Variants in GULP1 observed in about 807,000 individuals in gnomAD.
GULP1 encodes PTB domain-containing engulfment adapter protein 1.
GULP1 carries 19 observed loss-of-function variants against 40.9 expected under a neutral mutation model. The observed-to-expected ratio is 0.46, with a 90% CI of 0.32 to 0.68. The LOEUF (loss-of-function observed/expected upper bound fraction) is 0.68, where lower values mean the gene tolerates loss of function less well. Ranked by LOEUF, GULP1 falls within the 30% of genes least tolerant of loss-of-function variation. The pLI is 0.03. For missense variants in GULP1, 312 were observed against 362.2 expected (o/e 0.86, Z 1.12); for synonymous variants, 119 against 117.6 (o/e 1.01, Z -0.08).
At chr2:188,300,088 C>CT in intron 1 of GULP1, among the ~76,000 whole-genome samples, 1 of 152,064 alleles carries the variant, frequency 6.6e-6, no homozygotes, top group East Asian at 1.9e-4. Flanking sequence ...GTTTTTCTTT[C>CT]TTTTTTTCCA....
intron 1 of GULP1, among the ~76,000 whole-genome samples, chr2:188,361,775 G>A (rs539276287): frequency 6.6e-6 from 1 of 152,156 alleles, no homozygotes; most frequent in African/African-American, 2.4e-5. Flanking sequence ...CCATGCCTAT[G>A]ATGTATATGG....
chr2:188,332,622 A>G (rs2041760381), intron 1 of GULP1, among the ~76,000 whole-genome samples: 1 of 152,158 alleles, frequency 6.6e-6, no homozygotes, highest in South Asian at 2.1e-4. Flanking sequence ...TGTGCTGTCT[A>G]TGCCTGGGAA....
chr2:188,534,594 A>G (rs958608647), intron 6 of GULP1, among the ~76,000 whole-genome samples: 2 of 152,114 alleles, frequency 1.3e-5, no homozygotes, highest in Admixed American at 1.3e-4. Flanking sequence ...ATCATGCAGT[A>G]TACCCTGGTA....
intron 9 of GULP1, among the ~76,000 whole-genome samples, chr2:188,580,248 G>A (rs1264120794): frequency 6.6e-6 from 1 of 152,210 alleles, no homozygotes; most frequent in African/African-American, 2.4e-5. Flanking sequence ...TAAATAGATG[G>A]AGGTGTATTA....
chr2:188,306,096 A>T (rs1417156696), intron 1 of GULP1, among the ~76,000 whole-genome samples: 1 of 152,012 alleles, frequency 6.6e-6, no homozygotes, highest in Non-Finnish European at 1.5e-5. Context: ...TCTTAATCCC[A>T]TTTTTCCTCC....
At chr2:188,529,245 A>C (rs771681032) in intron 6 of GULP1, 50 bp downstream of exon 6, 1 of 860,008 alleles carries the variant, frequency 1.2e-6, no homozygotes, top group East Asian at 2.5e-5. Flanking sequence ...AATTGCAATT[A>C]TATTCCTACT....
At chr2:188,461,904 AGT>A (rs2059738527) in intron 2 of GULP1, among the ~76,000 whole-genome samples, 1 of 151,564 alleles carries the variant, frequency 6.6e-6, no homozygotes, top group Admixed American at 6.6e-5. Flanking sequence ...GCTTTTTTAT[AGT>A]GTTTTCTTCA....
intron 2 of GULP1, among the ~76,000 whole-genome samples, chr2:188,426,376 A>G (rs2056198561): frequency 6.6e-6 from 1 of 152,136 alleles, no homozygotes; most frequent in South Asian, 2.1e-4. Context: ...CAGAGAGAAT[A>G]GATGGTAAGC....
intron 10 of GULP1, 60 bp from the exon 11 acceptor site, chr2:188,587,795 C>T: frequency 1.1e-6 from 1 of 892,612 alleles, no homozygotes; most frequent in African/African-American, 1.7e-5. Context: ...CCTTTGAAAT[C>T]TAACTAACTC....
chr2:188,298,848 G>A (rs747250562), intron 1 of GULP1, among the ~76,000 whole-genome samples: 8 of 152,114 alleles, frequency 5.3e-5, no homozygotes, highest in East Asian at 3.8e-4. Context: ...GTAAATGCTC[G>A]GTGCTGCCAA....
chr2:188,570,017 T>A lies in GULP1; in HGVS notation c.517-11T>A. 1 of 1,035,532 alleles carries A rather than the reference T, an allele frequency of 9.7e-7. No homozygotes were observed. Among genetic ancestry groups the A allele is most frequent in the Non-Finnish European group, 1.5e-6 (1 of 685,006 alleles). 64.1% of individuals were successfully genotyped at this position (1,035,532 alleles called of 1,614,324 possible). Reference sequence around the variant, plus strand: ...AAACAGAAAGTTATTCAATAATGATTTTCTTTTTAGATCCAAGACTTAGAA... The same window carrying A: ...AAACAGAAAGTTATTCAATAATGATATTCTTTTTAGATCCAAGACTTAGAA... On this transcript the variant is annotated splice_polypyrimidine_tract_variant and intron_variant, in intron 8 of 11. Transcript: ENST00000409830.
At chr2:188,302,653 C>T (rs10184703) in intron 1 of GULP1, among the ~76,000 whole-genome samples, 23,121 of 152,110 alleles carry the variant, frequency 0.15, 1,908 homozygotes, top group African/African-American at 0.17. Flanking sequence ...AGATTTTCTC[C>T]TTGACCAAAT....
chr2:188,301,061 C>CCGGA (rs1041884928), intron 1 of GULP1, among the ~76,000 whole-genome samples: 1 of 152,160 alleles, frequency 6.6e-6, no homozygotes, highest in African/African-American at 2.4e-5. Context: ...GTCACCCAAC[C>CCGGA]CGGAGTGCAC....
rs926947429 is a variant in GULP1 at position 188,292,644 on chromosome 2, C to G, written c.-172+478C>G. The G allele has an allele frequency of 6.6e-6, 1 of 152,520 alleles. No homozygotes were observed. The highest frequency in any genetic ancestry group is 1.5e-5 in the Non-Finnish European group (1 of 68,342). 9.4% of individuals were successfully genotyped at this position (152,520 alleles called of 1,614,324 possible). On this transcript the variant is annotated intron_variant, in intron 1 of 11. Transcript: ENST00000409830. The surrounding 1 kb of genome is among the most constrained non-coding windows in gnomAD (Gnocchi z 4.0). Reference sequence around the variant, plus strand: ...ATCGTCGGGTCACAGCGAGGCGACCCAGGAGCGAACTTCCAGGGCAGCCTC... The same window carrying G: ...ATCGTCGGGTCACAGCGAGGCGACCGAGGAGCGAACTTCCAGGGCAGCCTC...
chr2:188,549,558 G>A (rs1480022931), intron 7 of GULP1, among the ~76,000 whole-genome samples: 1 of 151,814 alleles, frequency 6.6e-6, no homozygotes, highest in Non-Finnish European at 1.5e-5. Context: ...AAAATGGTAT[G>A]GCCATTCAGG....
intron 2 of GULP1, among the ~76,000 whole-genome samples, chr2:188,440,723 G>C (rs1037859055): frequency 6.6e-6 from 1 of 152,060 alleles, no homozygotes; most frequent in African/African-American, 2.4e-5. Context: ...TAAATAGAGG[G>C]TACCTAAAAC....
chr2:188,378,558 T>C (rs1352836453), intron 1 of GULP1, among the ~76,000 whole-genome samples: 1 of 152,202 alleles, frequency 6.6e-6, no homozygotes, highest in Non-Finnish European at 1.5e-5. Flanking sequence ...CACCATCTGC[T>C]TCTGGTGAGG....
rs200170442 is a variant in GULP1 at position 188,401,591 on chromosome 2, GA to G, written c.-45+17710del. 6.7e-3 allele frequency among the ~76,000 whole-genome samples: 1,015 copies of G among 151,660 alleles called. 10 individuals are homozygous for G. Among genetic ancestry groups the G allele is most frequent in the African/African-American group, 0.023 (941 of 41,384 alleles). ...AGATTGAGCATCTTTTGATTTATGA[GA>G]AAAAAAAGTTGTGGGAGAAAAAGGA... On this transcript the variant is annotated intron_variant, in intron 2 of 11. Coordinates refer to ENST00000409830, the MANE Select transcript of GULP1 (RefSeq NM_016315.4).
At chr2:188,423,633 A>G in intron 2 of GULP1, among the ~76,000 whole-genome samples, 1 of 151,736 alleles carries the variant, frequency 6.6e-6, no homozygotes, top group East Asian at 1.9e-4. Flanking sequence ...TCTGCTAATC[A>G]GTATTTTCTA....
Sources: gnomAD v4.1 joint callset for allele counts (sites outside exome capture counted in the v4.1 genomes callset) on GRCh38, gnomAD v4.1.1 for gene constraint, Gnocchi (gnomAD v3.1) non-coding constraint, MANE v1.5 for transcripts, NCBI Gene and HGNC (gene_info 2026-07-23, HGNC 2026-07-21) for gene names.